The following TMEM266 variants were observed in gnomAD, a reference collection of about 807,000 sequenced individuals.
TMEM266 encodes transmembrane protein 266, also known as Hv1 related protein 1.
Under a neutral mutation model 50.5 loss-of-function variants are expected in TMEM266, and 33 were observed. That is an observed-to-expected ratio of 0.65 (90% CI 0.50 to 0.87). The LOEUF is 0.87. Ranked by LOEUF, TMEM266 falls within the 40% of genes least tolerant of loss-of-function variation. TMEM266 has a pLI of 0.00. For missense variants in TMEM266, 655 were observed against 695.1 expected, an observed-to-expected ratio of 0.94 and a Z score of 0.65; for synonymous variants, 310 against 292.3, an observed-to-expected ratio of 1.06 and a Z score of -0.62.
At chr15:76,060,178 C>CCAGGCGAGGGTGCGTGGGG (rs2036269700) in intron 1 of TMEM266, among the ~76,000 whole-genome samples, 162 bp downstream of exon 1, 1 of 151,768 alleles carries the variant, frequency 6.6e-6, no homozygotes, top group Non-Finnish European at 1.5e-5. Context: ...GCCGGGGGAG[C>CCAGGCGAGGGTGCGTGGGG]CAGGCGAGGG....
chr15:76,204,283 G>GAGCAAA lies in TMEM266; in HGVS notation c.1568_1573dup (p.Gln523_Lys524dup). ...CAAGTTCAGATCTTTGGAATCCAAA[G>GAGCAAA]AGCAAAAGCTGCACAGGGTCCCTGA... On this transcript the variant is annotated inframe_insertion, in exon 11 of 11. Coordinates refer to ENST00000388942, the MANE Select transcript of TMEM266 (RefSeq NM_152335.3). The GAGCAAA allele has an allele frequency of 6.2e-7, 1 of 1,611,964 alleles. No individual in the cohort carries two copies. Among genetic ancestry groups the GAGCAAA allele is most frequent in the Non-Finnish European group, 8.5e-7 (1 of 1,178,462 alleles).
At chr15:76,203,088 A>T (rs1457586161) in intron 10 of TMEM266, among the ~76,000 whole-genome samples, 1 of 152,042 alleles carries the variant, frequency 6.6e-6, no homozygotes, top group East Asian at 1.9e-4. Context: ...CCCGTGGTAC[A>T]TCTCACCTAG....
At chr15:76,106,419 GT>G (rs2037081500) in intron 1 of TMEM266, among the ~76,000 whole-genome samples, 1 of 151,838 alleles carries the variant, frequency 6.6e-6, no homozygotes, top group African/African-American at 2.4e-5. Flanking sequence ...TTTTTAATTT[GT>G]TTTGTGTTTT....
chr15:76,159,969 C>A, intron 4 of TMEM266, 126 bp from the exon 5 acceptor site: 1 of 859,072 alleles, frequency 1.2e-6, no homozygotes, highest in Non-Finnish European at 1.9e-6. Context: ...CCAATTTCCA[C>A]CAGATCTAAA....
At chr15:76,102,285 T>A (rs1240192937) in intron 1 of TMEM266, among the ~76,000 whole-genome samples, 4 of 152,170 alleles carry the variant, frequency 2.6e-5, no homozygotes, top group Non-Finnish European at 5.9e-5. Flanking sequence ...TACATTCTAG[T>A]GGGGAAGATC....
chr15:76,126,350 TACAC>T (rs377278112), intron 1 of TMEM266, among the ~76,000 whole-genome samples: 5 of 139,166 alleles, frequency 3.6e-5, no homozygotes, highest in South Asian at 2.3e-4. Flanking sequence ...TATGTGTGTG[TACAC>T]ACACACACAC....
chr15:76,190,394 C>T (rs1470419108), intron 8 of TMEM266, among the ~76,000 whole-genome samples: 4 of 152,170 alleles, frequency 2.6e-5, no homozygotes, highest in Non-Finnish European at 5.9e-5. Context: ...CTAAGGAGCT[C>T]GGGCTGTCTC....
intron 9 of TMEM266, among the ~76,000 whole-genome samples, chr15:76,201,468 G>A (rs557863762): frequency 2.0e-5 from 3 of 152,192 alleles, no homozygotes; most frequent in Admixed American, 6.5e-5. Flanking sequence ...CACAGCTCAC[G>A]GCAGCCTCAA....
At chr15:76,155,377 T>A (rs1177096174) in intron 3 of TMEM266, among the ~76,000 whole-genome samples, 1 of 152,150 alleles carries the variant, frequency 6.6e-6, no homozygotes, top group Admixed American at 6.5e-5. Context: ...GAGGAGGGTG[T>A]CTAGTGCCCT....
At chr15:76,118,781 T>A (rs2037291078) in intron 1 of TMEM266, among the ~76,000 whole-genome samples, 1 of 152,194 alleles carries the variant, frequency 6.6e-6, no homozygotes, top group Non-Finnish European at 1.5e-5. Flanking sequence ...GAAAGGAAGA[T>A]CCTTCCGGCA....
chr15:76,193,463 C>T (rs1332971908), intron 9 of TMEM266, among the ~76,000 whole-genome samples: 2 of 152,136 alleles, frequency 1.3e-5, no homozygotes, highest in Non-Finnish European at 2.9e-5. Flanking sequence ...CAAGTGGATC[C>T]TCCTGCCTCA....
intron 9 of TMEM266, 98 bp downstream of exon 9, chr15:76,192,255 T>G: frequency 8.6e-7 from 1 of 1,156,120 alleles, no homozygotes; most frequent in African/African-American, 1.6e-5. Flanking sequence ...TGGATGGGGT[T>G]CCTTTCAGGT....
At chr15:76,162,809 C>T (rs367966310) in intron 5 of TMEM266, among the ~76,000 whole-genome samples, 141 of 152,306 alleles carry the variant, frequency 9.3e-4, no homozygotes, top group African/African-American at 3.1e-3. Context: ...ACGACTGGCA[C>T]CCCCTCCTCA....
intron 1 of TMEM266, among the ~76,000 whole-genome samples, chr15:76,088,848 C>T (rs1209664417): frequency 6.6e-6 from 1 of 151,652 alleles, no homozygotes; most frequent in Non-Finnish European, 1.5e-5. Flanking sequence ...AATCCCAGCA[C>T]TTTGGGAGGC....
At chr15:76,145,938 A>G (rs565005393) in intron 3 of TMEM266, among the ~76,000 whole-genome samples, 1 of 152,250 alleles carries the variant, frequency 6.6e-6, no homozygotes, top group South Asian at 2.1e-4. Flanking sequence ...ATCCCACTCA[A>G]TGGTGGAAAA....
intron 1 of TMEM266, among the ~76,000 whole-genome samples, chr15:76,095,923 T>C (rs995842419): frequency 1.3e-5 from 2 of 152,126 alleles, no homozygotes; most frequent in African/African-American, 4.8e-5. Flanking sequence ...TAGTATTCTC[T>C]GATGGTGGTA....
chr15:76,117,110 G>T lies in TMEM266; in HGVS notation c.-96-17058G>T, dbSNP rs181025036. Reference sequence around the variant, plus strand: ...GACAGCATTTCTTCATGTTGGTCAGGCTGGTCTCAAACTCCCAACCTCAGA... The same window carrying T: ...GACAGCATTTCTTCATGTTGGTCAGTCTGGTCTCAAACTCCCAACCTCAGA... On this transcript the variant is annotated intron_variant, in intron 1 of 10. Transcript: ENST00000388942. 7.8e-4 allele frequency among the ~76,000 whole-genome samples: 118 copies of T among 152,122 alleles called. 1 individual carries two copies. The highest frequency in any genetic ancestry group is 2.8e-3 in the African/African-American group (115 of 41,486).
chr15:76,079,392 G>C (rs12909723), intron 1 of TMEM266, among the ~76,000 whole-genome samples: 30,417 of 146,524 alleles, frequency 0.21, 3,884 homozygotes, highest in Non-Finnish European at 0.28. Flanking sequence ...AGGTCTCCCG[G>C]TTACTCTTCT....
At chr15:76,203,663 G>A (rs1488598504) in intron 10 of TMEM266, 78 bp from the exon 11 acceptor site, 19 of 1,395,468 alleles carry the variant, frequency 1.4e-5, no homozygotes, top group East Asian at 1.2e-4. Flanking sequence ...CCCACCGCCC[G>A]GCTCAGACCT....
Sources: allele counts gnomAD v4.1 joint callset (sites outside exome capture counted in the v4.1 genomes callset), GRCh38; gene constraint gnomAD v4.1.1; transcripts MANE v1.5; gene names NCBI Gene and HGNC (gene_info 2026-07-23, HGNC 2026-07-21).